The following UBE4B variants were observed in gnomAD, a reference collection of about 807,000 sequenced individuals.
The protein encoded by UBE4B is ubiquitin conjugation factor E4 B.
In UBE4B, 27 loss-of-function variants were observed where a neutral mutation model predicts 148.1. That is an observed-to-expected ratio of 0.18 (90% CI 0.13 to 0.25). The LOEUF (loss-of-function observed/expected upper bound fraction) is 0.25. UBE4B is among the 10% of genes least tolerant of loss of function. The pLI, the probability that UBE4B is intolerant of heterozygous loss-of-function variation, is 1.00. For missense variants in UBE4B, 1,170 were observed against 1,662.4 expected (o/e 0.70, Z 5.15); for synonymous variants, 596 against 619.3 (o/e 0.96, Z 0.56).
At chr1:10,115,670 C>A (rs1456727283) in intron 7 of UBE4B, among the ~76,000 whole-genome samples, 1 of 152,192 alleles carries the variant, frequency 6.6e-6, no homozygotes, top group Non-Finnish European at 1.5e-5. Flanking sequence ...GAGAGGGATA[C>A]ATTCTGAGAA....
intron 1 of UBE4B, among the ~76,000 whole-genome samples, chr1:10,043,046 G>T (rs2101776335): frequency 6.7e-6 from 1 of 148,936 alleles, no homozygotes; most frequent in Admixed American, 6.7e-5. Context: ...GTTTTACTCT[G>T]TCACTCAGGC....
chr1:10,158,353 T>C lies in UBE4B; in HGVS notation c.2927-3T>C. Reference sequence around the variant, plus strand: ...CCTCAGTACCTTTGTCTTTCTTCTTTAGATGTTGAGCATACCGGAGCCACC... The same window carrying C: ...CCTCAGTACCTTTGTCTTTCTTCTTCAGATGTTGAGCATACCGGAGCCACC... On this transcript the variant is annotated splice_polypyrimidine_tract_variant and splice_region_variant and intron_variant, in intron 21 of 27. Coordinates refer to ENST00000343090, the MANE Select transcript of UBE4B (RefSeq NM_001105562.3). 1.2e-6 allele frequency: 2 copies of C among 1,614,024 alleles called. No individual in the cohort carries two copies. The highest frequency in any genetic ancestry group is 1.7e-6 in the Non-Finnish European group (2 of 1,179,974).
chr1:10,039,995 T>C (rs950108316), intron 1 of UBE4B, among the ~76,000 whole-genome samples: 1 of 151,758 alleles, frequency 6.6e-6, no homozygotes, highest in African/African-American at 2.4e-5. Flanking sequence ...ATCAGTTAGC[T>C]GTGAAGGAGG....
In UBE4B at chr1:10,059,817, T is replaced by C. The variant is rs527327790; in HGVS notation, c.25-12211T>C. ...CATTTTAATTTTAGGCATTTTTTTTTCCACTCCTTTCACACAATCAGAATG... is the reference window on the plus strand; with the variant it reads ...CATTTTAATTTTAGGCATTTTTTTTCCCACTCCTTTCACACAATCAGAATG... On this transcript the variant is annotated intron_variant, in intron 1 of 27. Coordinates refer to ENST00000343090, the MANE Select transcript of UBE4B (RefSeq NM_001105562.3). Among the ~76,000 whole-genome samples, 145 of 152,274 alleles carry C rather than the reference T, an allele frequency of 9.5e-4. 2 individuals carry two copies. The highest frequency in any genetic ancestry group is 1.9e-3 in the Admixed American group (29 of 15,286).
intron 11 of UBE4B, chr1:10,128,824 T>C (rs572357950): frequency 6.6e-6 from 1 of 152,600 alleles, no homozygotes; most frequent in African/African-American, 2.4e-5. Context: ...TTTATGTCCC[T>C]AAAAAGTGTT....
chr1:10,103,194 G>C, intron 5 of UBE4B, 102 bp downstream of exon 5: 1 of 1,299,730 alleles, frequency 7.7e-7, no homozygotes, highest in Non-Finnish European at 1.0e-6. Flanking sequence ...TCTTGCTCTT[G>C]GGTTGTATTT....
In UBE4B at chr1:10,178,528, G is replaced by C. The variant is rs1016720404; in HGVS notation, c.3526-116G>C. 4.9e-6 allele frequency: 5 copies of C among 1,023,870 alleles called. No homozygotes were observed. In the South Asian group the frequency reaches 7.7e-5, roughly 16 times the overall value. 63.4% of individuals were successfully genotyped at this position (1,023,870 alleles called of 1,614,324 possible). A position where few individuals can be genotyped will look rare whatever the true frequency, so the allele number is the denominator to read the frequency against. On this transcript the variant is annotated intron_variant, in intron 25 of 27. Coordinates refer to ENST00000343090, the MANE Select transcript of UBE4B (RefSeq NM_001105562.3). ...ATATATAAGTGTATATATAATTTTA[G>C]GGCTTTTTTAGTGGGGGAAAATCCA...
Position 10,168,038 on chromosome 1 carries a change from G to A in UBE4B, c.3199-98G>A, listed in dbSNP as rs927395153. 52 of 1,416,672 alleles carry A rather than the reference G, an allele frequency of 3.7e-5. 1 individual carries two copies. In the Admixed American group the frequency reaches 3.9e-4, roughly 11 times the overall value. 87.8% of individuals were successfully genotyped at this position (1,416,672 alleles called of 1,614,324 possible). On this transcript the variant is annotated intron_variant, in intron 23 of 27. Transcript: ENST00000343090. This position sits in a 1 kb window ranked among gnomAD's most constrained non-coding sequence, Gnocchi z 4.9. ...GGCGGTTCTGTCATTCCCTAAGCAT[G>A]TTGGGTTTATCACGCACTTTCCAGT...
intron 2 of UBE4B, among the ~76,000 whole-genome samples, chr1:10,077,427 C>T (rs559643622): frequency 1.3e-5 from 2 of 152,164 alleles, no homozygotes; most frequent in South Asian, 4.2e-4. Context: ...CTGCTAAGAC[C>T]CTCCTTGCAA....
chr1:10,157,272 C>T (rs1034251735), intron 21 of UBE4B, among the ~76,000 whole-genome samples: 6 of 152,078 alleles, frequency 3.9e-5, no homozygotes, highest in Admixed American at 1.3e-4. Context: ...CTGCCTGCCT[C>T]GGCCTCCCAA....
At chr1:10,173,063 C>T (rs1235141458) in intron 25 of UBE4B, among the ~76,000 whole-genome samples, 1 of 152,122 alleles carries the variant, frequency 6.6e-6, no homozygotes, top group African/African-American at 2.4e-5. Context: ...TACACAGCAA[C>T]GAAATTGCCT....
At chr1:10,137,957 CG>C (rs1319150872) in intron 17 of UBE4B, among the ~76,000 whole-genome samples, 66 of 88,872 alleles carry the variant, frequency 7.4e-4, no homozygotes, top group South Asian at 3.9e-4. Flanking sequence ...TTTTTTGAGA[CG>C]GAGTCTCGCT....
chr1:10,155,654 A>G (rs1646057122), intron 21 of UBE4B, among the ~76,000 whole-genome samples: 1 of 152,208 alleles, frequency 6.6e-6, no homozygotes, highest in Non-Finnish European at 1.5e-5. Context: ...TATAAATTAA[A>G]AGTTGCCACA....
At chr1:10,084,392 T>C (rs2101853672) in intron 2 of UBE4B, among the ~76,000 whole-genome samples, 1 of 152,308 alleles carries the variant, frequency 6.6e-6, no homozygotes, top group Non-Finnish European at 1.5e-5. Context: ...CCTCTTCATG[T>C]AATTCACTAT....
chr1:10,072,657 A>AGG (rs1644509087), intron 2 of UBE4B: 1 of 584,086 alleles, frequency 1.7e-6, no homozygotes, highest in Non-Finnish European at 3.0e-6. Context: ...TCAGAGGATA[A>AGG]AACTACCTGA....
intron 1 of UBE4B, among the ~76,000 whole-genome samples, chr1:10,070,143 G>A (rs1162441282): frequency 6.6e-6 from 1 of 151,750 alleles, no homozygotes; most frequent in Non-Finnish European, 1.5e-5. Flanking sequence ...GTGTGGTGGT[G>A]CATGCCTGTA....
chr1:10,139,118 G>A (rs932305839), intron 17 of UBE4B, among the ~76,000 whole-genome samples: 1 of 152,182 alleles, frequency 6.6e-6, no homozygotes, highest in Non-Finnish European at 1.5e-5. Context: ...ACTGGGGGCT[G>A]GGCACAGTGG....
At chr1:10,128,213 A>G (rs1039906511) in intron 11 of UBE4B, 1 of 152,230 alleles carries the variant, frequency 6.6e-6, no homozygotes. Context: ...GGTGTGAATT[A>G]GCTTGATGTT....
At chr1:10,060,391 G>A (rs1644261355) in intron 1 of UBE4B, among the ~76,000 whole-genome samples, 1 of 152,070 alleles carries the variant, frequency 6.6e-6, no homozygotes, top group Non-Finnish European at 1.5e-5. Context: ...GTGAGTTTTT[G>A]TGTATCTAAA....
Sources: gnomAD v4.1 joint callset for allele counts (sites outside exome capture counted in the v4.1 genomes callset) on GRCh38, gnomAD v4.1.1 for gene constraint, Gnocchi (gnomAD v3.1) non-coding constraint, MANE v1.5 for transcripts, NCBI Gene and HGNC (gene_info 2026-07-23, HGNC 2026-07-21) for gene names.